Variants in KCNB2 observed in about 807,000 individuals in gnomAD.
KCNB2 encodes delayed rectifier potassium channel protein.
KCNB2 carries 15 observed loss-of-function variants against 61.5 expected under a neutral mutation model. The ratio of observed to expected loss-of-function variants is 0.24; its 90% confidence interval spans 0.16 to 0.38. KCNB2 has a LOEUF of 0.38. KCNB2 is among the 10% of genes least tolerant of loss of function. The pLI, the probability that KCNB2 is intolerant of heterozygous loss-of-function variation, is 1.00. For synonymous variants in KCNB2, 457 were observed against 446.0 expected (o/e 1.02, Z -0.31); for missense variants, 828 against 1,125.2 (o/e 0.74, Z 3.78).
At chr8:72,853,645 A>G (rs1486692847) in intron 2 of KCNB2, among the ~76,000 whole-genome samples, 1 of 152,202 alleles carries the variant, frequency 6.6e-6, no homozygotes, top group African/African-American at 2.4e-5. Context: ...TCATTAGGTG[A>G]AAGTGCTTTT....
intron 2 of KCNB2, among the ~76,000 whole-genome samples, chr8:72,726,595 C>T (rs1807654702): frequency 6.6e-6 from 1 of 152,132 alleles, no homozygotes; most frequent in Admixed American, 6.5e-5. Context: ...ACACATACGA[C>T]ATATCCAATT....
At chr8:72,773,134 G>A (rs576057895) in intron 2 of KCNB2, among the ~76,000 whole-genome samples, 1 of 152,254 alleles carries the variant, frequency 6.6e-6, no homozygotes, top group East Asian at 1.9e-4. Context: ...AACAGCATTA[G>A]CATCTTTCTT....
intron 1 of KCNB2, among the ~76,000 whole-genome samples, chr8:72,564,733 T>G (rs1806597994): frequency 6.6e-6 from 1 of 152,154 alleles, no homozygotes; most frequent in African/African-American, 2.4e-5. Flanking sequence ...TATGTGTGGG[T>G]TGAGGGCTCA....
At chr8:72,814,709 G>A (rs1332909673) in intron 2 of KCNB2, among the ~76,000 whole-genome samples, 1 of 152,120 alleles carries the variant, frequency 6.6e-6, no homozygotes, top group African/African-American at 2.4e-5. Flanking sequence ...ATTGATACTA[G>A]GCAAAGTTCT....
rs979147527 is a variant in KCNB2, at chr8:72,694,589, C to A, written c.579+126276C>A. Among the ~76,000 whole-genome samples the A allele has an allele frequency of 1.0e-3, 155 of 152,156 alleles. 1 individual carries two copies. The highest frequency in any genetic ancestry group is 3.6e-3 in the African/African-American group (149 of 41,528). ...TAGACAGACATTTTTAAAAAGTGTT[C>A]TCATATCTTCCCAAAGATAGCAAAA... On this transcript the variant is annotated intron_variant, in intron 2 of 2. Coordinates refer to ENST00000523207, the MANE Select transcript of KCNB2 (RefSeq NM_004770.3).
Position 72,937,617 on chromosome 8 carries a change from C to A in KCNB2, c.2262C>A (p.Thr754=), listed in dbSNP as rs200944661. 401 of 1,614,102 alleles carry A rather than the reference C, an allele frequency of 2.5e-4. No individual in the cohort carries two copies. The Middle Eastern group carries it at 4.3e-3, about 17-fold the overall frequency. ...FSLTTPQHIS[T]ILLEETPSQG... ...TCACTACCCCGCAGCACATCAGTAC[C>A]ATCCTCTTAGAAGAAACCCCCTCCC... The change falls in exon 3 of 3, where the codon ACC becomes ACA. Residue 754 remains threonine (T), a synonymous_variant. Transcript: ENST00000523207.
chr8:72,542,231 C>T (rs569261805), intron 1 of KCNB2, among the ~76,000 whole-genome samples: 1 of 152,134 alleles, frequency 6.6e-6, no homozygotes, highest in South Asian at 2.1e-4. Flanking sequence ...TAAATATTGC[C>T]TGCAGGAAGC....
At chr8:72,701,826 T>C (rs1437417255) in intron 2 of KCNB2, among the ~76,000 whole-genome samples, 2 of 152,064 alleles carry the variant, frequency 1.3e-5, no homozygotes, top group African/African-American at 4.8e-5. Flanking sequence ...TGCGCAACCA[T>C]TTAAAATTAT....
At chr8:72,687,834 G>A (rs1806876206) in intron 2 of KCNB2, among the ~76,000 whole-genome samples, 1 of 152,164 alleles carries the variant, frequency 6.6e-6, no homozygotes, top group African/African-American at 2.4e-5. Flanking sequence ...CATATTCCAT[G>A]TTTTAGAGGC....
chr8:72,609,262 G>A (rs1252409569), intron 2 of KCNB2, among the ~76,000 whole-genome samples: 1 of 152,186 alleles, frequency 6.6e-6, no homozygotes, highest in Non-Finnish European at 1.5e-5. Context: ...ATCAGTGCAT[G>A]TAGCACATAG....
At chr8:72,591,251 G>A (rs544111600) in intron 2 of KCNB2, among the ~76,000 whole-genome samples, 4 of 152,184 alleles carry the variant, frequency 2.6e-5, no homozygotes, top group South Asian at 2.1e-4. Flanking sequence ...AAGGCGCTGC[G>A]TAGCTTCAAA....
intron 2 of KCNB2, among the ~76,000 whole-genome samples, chr8:72,573,100 C>T (rs1806739563): frequency 6.6e-6 from 1 of 152,096 alleles, no homozygotes; most frequent in African/African-American, 2.4e-5. Context: ...GTTGATAACT[C>T]CTTGAGAACT....
At chr8:72,558,674 G>T (rs770593872) in intron 1 of KCNB2, among the ~76,000 whole-genome samples, 5 of 152,106 alleles carry the variant, frequency 3.3e-5, no homozygotes, top group Admixed American at 6.5e-5. Flanking sequence ...GTCACTTGGG[G>T]CACAATGATG....
chr8:72,680,356 T>C (rs911807757), intron 2 of KCNB2, among the ~76,000 whole-genome samples: 1 of 152,158 alleles, frequency 6.6e-6, no homozygotes, highest in Admixed American at 6.5e-5. Flanking sequence ...CATGGGGCAA[T>C]GCACATCTTA....
intron 2 of KCNB2, among the ~76,000 whole-genome samples, chr8:72,756,996 G>A (rs1808300699): frequency 6.6e-6 from 1 of 152,126 alleles, no homozygotes; most frequent in Non-Finnish European, 1.5e-5. Context: ...AGGAGAGTTG[G>A]GCCAGAAATA....
chr8:72,799,470 G>A (rs535582881), intron 2 of KCNB2, among the ~76,000 whole-genome samples: 1 of 151,908 alleles, frequency 6.6e-6, no homozygotes, highest in East Asian at 1.9e-4. Flanking sequence ...AAAACATAGC[G>A]ATATTCACAC....
At chr8:72,820,419 A>G (rs1005928902) in intron 2 of KCNB2, among the ~76,000 whole-genome samples, 10 of 152,168 alleles carry the variant, frequency 6.6e-5, no homozygotes, top group African/African-American at 9.7e-5. Context: ...AATTTCTCTA[A>G]GCATGCAGGG....
chr8:72,538,162 G>C (rs1357262165), intron 1 of KCNB2, among the ~76,000 whole-genome samples: 2 of 152,098 alleles, frequency 1.3e-5, no homozygotes, highest in Non-Finnish European at 1.5e-5. Context: ...AGCTCTTGTT[G>C]CCTTCCGTCC....
intron 2 of KCNB2, among the ~76,000 whole-genome samples, chr8:72,910,623 T>C (rs1305240466): frequency 6.6e-6 from 1 of 152,004 alleles, no homozygotes; most frequent in South Asian, 2.1e-4. Context: ...AAAGAGTCAA[T>C]AAAGGTAAGG....
Sources: allele counts gnomAD v4.1 joint callset (sites outside exome capture counted in the v4.1 genomes callset), GRCh38; gene constraint gnomAD v4.1.1; transcripts MANE v1.5; gene names NCBI Gene and HGNC (gene_info 2026-07-23, HGNC 2026-07-21).